The following SPDYE4 variants were observed in gnomAD, a reference collection of about 807,000 sequenced individuals.
SPDYE4 encodes the protein speedy protein E4.
SPDYE4 carries 30 observed loss-of-function variants against 37.5 expected under a neutral mutation model. The ratio of observed to expected loss-of-function variants is 0.80; its 90% CI spans 0.60 to 1.09. The LOEUF is 1.09. SPDYE4 is among the 50% of genes least tolerant of loss of function. The probability of loss-of-function intolerance (pLI) is 0.00; values close to 1 mark genes in which losing one functional copy is unlikely to be tolerated. For missense variants in SPDYE4, 300 were observed against 307.9 expected (o/e 0.97, Z 0.19); for synonymous variants, 131 against 120.3 (o/e 1.09, Z -0.58).
chr17:8,755,694 C>T (rs946876592), intron 3 of SPDYE4, 89 bp from the exon 4 acceptor site: 27 of 1,479,650 alleles, frequency 1.8e-5, no homozygotes, highest in Non-Finnish European at 2.4e-5. Context: ...GGGGCTGGGG[C>T]GCGGTTGTCT....
chr17:8,751,683 C>T lies in SPDYE4; in HGVS notation c.*599G>A, dbSNP rs2086729441. On this transcript the variant is annotated 3_prime_UTR_variant, in exon 7 of 7. Transcript: ENST00000689094. ...AATTATATTTATGTGTATATAACAACCGTCAGAGAACTCTATAGGAACAGC... is the reference window on the plus strand; with the variant it reads ...AATTATATTTATGTGTATATAACAATCGTCAGAGAACTCTATAGGAACAGC... Among the ~76,000 whole-genome samples, 1 of 152,150 alleles carries T rather than the reference C, an allele frequency of 6.6e-6. No homozygotes were observed. Among genetic ancestry groups the T allele is most frequent in the Non-Finnish European group, 1.5e-5 (1 of 68,032 alleles).
At chr17:8,754,348 G>A (rs1023403785) in intron 4 of SPDYE4, among the ~76,000 whole-genome samples, 13 of 152,188 alleles carry the variant, frequency 8.5e-5, no homozygotes, top group African/African-American at 2.9e-4. Context: ...ACTCTGAGAG[G>A]CTGAGGTGAG....
At chr17:8,749,216 C>G (rs949592169), downstream of SPDYE4, among the ~76,000 whole-genome samples, 3 of 151,824 alleles carry the variant, frequency 2.0e-5, no homozygotes, top group Non-Finnish European at 4.4e-5. Context: ...CCTCAGCCTC[C>G]TGGGTAGCTG....
At position 8,758,344 on chromosome 17, in the gene SPDYE4, C is replaced by A. The variant is rs201546395; in HGVS notation, c.39G>T (p.Glu13Asp). The change falls in exon 1 of 7, where the codon GAG becomes GAT. Residue 13 changes from glutamate to aspartate, a missense_variant. Physicochemically the swap from Glu to Asp is conservative, Grantham distance 45 (BLOSUM62 2). Transcript: ENST00000689094. Reference sequence around the variant, plus strand: ...GTACCGTTGTGCTAGGCTGGGGGCTCTCCTCCTCAAACGGGGGGCGCGCTT... The same window carrying A: ...GTACCGTTGTGCTAGGCTGGGGGCTATCCTCCTCAAACGGGGGGCGCGCTT... ...SGQARPPFEE[E>D]SPQPSTTVRS... 96 of 1,551,558 alleles carry A rather than the reference C, an allele frequency of 6.2e-5. No homozygotes were observed. The highest frequency in any genetic ancestry group is 1.7e-4 in the Middle Eastern group (1 of 6,014).
Position 8,758,141 on chromosome 17 carries a change from C to T in SPDYE4, c.109+133G>A, listed in dbSNP as rs140036863. ...CCCCATTCCCTGCACCCTCCTTCCCCGATCCCTGGCTTCCTGAGTCCGTCG... is the reference window on the plus strand; with the variant it reads ...CCCCATTCCCTGCACCCTCCTTCCCTGATCCCTGGCTTCCTGAGTCCGTCG... On this transcript the variant is annotated intron_variant, in intron 1 of 6. Transcript: ENST00000689094. The T allele has an allele frequency of 1.4e-4, 108 of 751,202 alleles. 1 individual carries two copies. In the Middle Eastern group the frequency reaches 2.1e-3, roughly 14 times the overall value. 46.5% of individuals were successfully genotyped at this position (751,202 alleles called of 1,614,324 possible). A position where few individuals can be genotyped will look rare whatever the true frequency, so the allele number is the denominator to read the frequency against.
intron 4 of SPDYE4, among the ~76,000 whole-genome samples, chr17:8,754,513 TG>T (rs780440836): frequency 1.3e-5 from 2 of 152,134 alleles, no homozygotes; most frequent in Non-Finnish European, 2.9e-5. Context: ...AGATGGAGGC[TG>T]CGGTGAGCTA....
At chr17:8,748,421 A>G (rs1196279508), downstream of SPDYE4, among the ~76,000 whole-genome samples, 1 of 152,174 alleles carries the variant, frequency 6.6e-6, no homozygotes, top group Non-Finnish European at 1.5e-5. Context: ...CTCTAGAACT[A>G]TGAGAAAGAA....
At chr17:8,749,348 CT>C (rs2086711747), downstream of SPDYE4, among the ~76,000 whole-genome samples, 1 of 152,060 alleles carries the variant, frequency 6.6e-6, no homozygotes, top group Admixed American at 6.6e-5. Context: ...ACTGCCACCT[CT>C]ACCTCCCAGG....
chr17:8,752,984 CG>C, intron 6 of SPDYE4, 109 bp downstream of exon 6: 2 of 950,934 alleles, frequency 2.1e-6, no homozygotes, highest in Non-Finnish European at 3.1e-6. Flanking sequence ...TTTGTGGAGA[CG>C]GGGTGTCGCC....
chr17:8,753,969 A>G (rs1475176311), intron 4 of SPDYE4, among the ~76,000 whole-genome samples: 1 of 151,786 alleles, frequency 6.6e-6, no homozygotes, highest in Non-Finnish European at 1.5e-5. Context: ...CCCGTGCATC[A>G]TAAGTGCCCC....
intron 4 of SPDYE4, among the ~76,000 whole-genome samples, chr17:8,754,952 C>T (rs549010548): frequency 3.3e-5 from 5 of 152,230 alleles, no homozygotes; most frequent in African/African-American, 1.2e-4. Flanking sequence ...TTGAATTAGC[C>T]CTGTGGACCC....
chr17:8,753,285 C>CCCCCCCCCCCCCCCCCCCCCCCCAAA, intron 5 of SPDYE4, 36 bp downstream of exon 5: 1 of 1,392,124 alleles, frequency 7.2e-7, no homozygotes. Flanking sequence ...CACCCCATCC[C>CCCCCCCCCCCCCCCCCCCCCCCCAAA]TCCCCACCCC....
intron 1 of SPDYE4, 116 bp downstream of exon 1, chr17:8,758,158 A>T: frequency 2.4e-6 from 2 of 845,454 alleles, no homozygotes; most frequent in Admixed American, 3.0e-5. Flanking sequence ...TGGCTTCCTG[A>T]GTCCGTCGTT....
At chr17:8,757,185 G>T in intron 2 of SPDYE4, 77 bp downstream of exon 2, 1 of 1,377,958 alleles carries the variant, frequency 7.3e-7, no homozygotes, top group Non-Finnish European at 1.0e-6. Flanking sequence ...TCTTCTTATT[G>T]GGAAAGTGTG....
At chr17:8,757,819 G>C (rs570202355) in intron 1 of SPDYE4, among the ~76,000 whole-genome samples, 1 of 138,704 alleles carries the variant, frequency 7.2e-6, no homozygotes, top group Admixed American at 7.5e-5. Context: ...TCTCCCTCTT[G>C]TTGCCCAGAC....
At position 8,756,448 on chromosome 17, in the gene SPDYE4, G is replaced by C. The variant is rs751306597; in HGVS notation, c.341-12C>G. On this transcript the variant is annotated splice_polypyrimidine_tract_variant and intron_variant, in intron 2 of 6. Coordinates refer to ENST00000689094, the MANE Select transcript of SPDYE4 (RefSeq NM_001394956.1). ...AACGACAGGATCCCCTGTGAAAAGA[G>C]AGCCTGTGTCAGGGTGAGAAGTGGA... 1.9e-5 allele frequency: 30 copies of C among 1,613,852 alleles called. No homozygotes were observed. Among genetic ancestry groups the C allele is most frequent in the Non-Finnish European group, 2.5e-5 (29 of 1,179,778 alleles).
chr17:8,758,438 A>C lies in SPDYE4; in HGVS notation c.-56T>G. On this transcript the variant is annotated 5_prime_UTR_variant, in exon 1 of 7. Transcript: ENST00000689094. ...CAAAACCTAGTCCCTGTTCTGTCCA[A>C]AGCCTTCTTCCAGACTCCGTTAGGA... The C allele has an allele frequency of 3.3e-6, 5 of 1,494,824 alleles. 1 individual carries two copies. The highest frequency in any genetic ancestry group is 4.6e-6 in the Non-Finnish European group (5 of 1,095,062). The allele number at this position is 1,494,824 out of a possible 1,614,324, so 92.6% of individuals were successfully genotyped here.
At chr17:8,752,995 C>T (rs1484209289) in intron 6 of SPDYE4, 99 bp downstream of exon 6, 6 of 1,076,744 alleles carry the variant, frequency 5.6e-6, no homozygotes, top group Non-Finnish European at 8.1e-6. Context: ...GGGGTGTCGC[C>T]ATGTTGACCA....
At chr17:8,757,198 T>A in intron 2 of SPDYE4, 64 bp downstream of exon 2, 1 of 1,444,938 alleles carries the variant, frequency 6.9e-7, no homozygotes, top group Non-Finnish European at 9.5e-7. Flanking sequence ...AAAGTGTGAT[T>A]ATTGAAAGAT....
Sources: allele counts gnomAD v4.1 joint callset (sites outside exome capture counted in the v4.1 genomes callset), GRCh38; gene constraint gnomAD v4.1.1; transcripts MANE v1.5; gene names NCBI Gene and HGNC (gene_info 2026-07-23, HGNC 2026-07-21).